The following SERPINI1 variants were observed in gnomAD, a reference collection of about 807,000 sequenced individuals.
The protein encoded by SERPINI1 is serpin family I member 1, also known as neuroserpin.
Under a neutral mutation model 41.1 loss-of-function variants are expected in SERPINI1, and 19 were observed. The observed-to-expected ratio is 0.46, with a 90% CI of 0.32 to 0.68. SERPINI1 has a LOEUF of 0.68. SERPINI1 is among the 30% of genes least tolerant of loss of function. SERPINI1 has a pLI of 0.03. For missense variants in SERPINI1, 460 were observed against 479.2 expected (o/e 0.96, Z 0.37); for synonymous variants, 138 against 156.6 (o/e 0.88, Z 0.89).
At chr3:167,747,047 A>G (rs1237324955) in intron 1 of SERPINI1, among the ~76,000 whole-genome samples, 3 of 152,252 alleles carry the variant, frequency 2.0e-5, no homozygotes, top group African/African-American at 4.8e-5. Flanking sequence ...ATGAATGGAT[A>G]AACACAATGT....
At chr3:167,773,742 T>G (rs1726870041) in intron 1 of SERPINI1, among the ~76,000 whole-genome samples, 1 of 152,208 alleles carries the variant, frequency 6.6e-6, no homozygotes, top group South Asian at 2.1e-4. Context: ...TATTTTCAGA[T>G]AGCTTTAGCA....
At chr3:167,742,466 T>A (rs1725710326) in intron 1 of SERPINI1, among the ~76,000 whole-genome samples, 1 of 152,228 alleles carries the variant, frequency 6.6e-6, no homozygotes, top group East Asian at 1.9e-4. Flanking sequence ...GTGCTTGCTG[T>A]AAGACAGATG....
chr3:167,807,458 A>G (rs567795475), intron 6 of SERPINI1, 117 bp downstream of exon 6: 7 of 675,364 alleles, frequency 1.0e-5, no homozygotes, highest in Middle Eastern at 8.3e-4. Flanking sequence ...ACCACTTGCC[A>G]AATAAATCTA....
chr3:167,750,460 C>G (rs2108534355), intron 1 of SERPINI1, among the ~76,000 whole-genome samples: 1 of 152,316 alleles, frequency 6.6e-6, no homozygotes, highest in East Asian at 1.9e-4. Context: ...GGTTTGCCAT[C>G]ACGTGTTCGT....
intron 6 of SERPINI1, among the ~76,000 whole-genome samples, chr3:167,820,088 G>A (rs1477617406): frequency 1.3e-5 from 2 of 152,172 alleles, no homozygotes; most frequent in Non-Finnish European, 2.9e-5. Context: ...AGCTCTAGAG[G>A]CTGTAAGTCT....
intron 1 of SERPINI1, among the ~76,000 whole-genome samples, chr3:167,754,937 G>T (rs1412432079): frequency 1.3e-5 from 2 of 152,072 alleles, no homozygotes; most frequent in African/African-American, 2.4e-5. Context: ...CACCTAGTTG[G>T]CCTCCTCTTC....
At chr3:167,742,680 G>T (rs1725717410) in intron 1 of SERPINI1, among the ~76,000 whole-genome samples, 2 of 152,168 alleles carry the variant, frequency 1.3e-5, no homozygotes. Context: ...TTTGGCTTCT[G>T]TGGTAGATGG....
At chr3:167,809,387 T>A (rs900302122) in intron 6 of SERPINI1, among the ~76,000 whole-genome samples, 3 of 152,222 alleles carry the variant, frequency 2.0e-5, no homozygotes, top group African/African-American at 7.2e-5. Flanking sequence ...CACCCAAACA[T>A]CTAGGAAGTT....
At chr3:167,795,704 C>G (rs1010531453) in intron 5 of SERPINI1, among the ~76,000 whole-genome samples, 11 of 152,050 alleles carry the variant, frequency 7.2e-5, no homozygotes, top group African/African-American at 2.7e-4. Context: ...ATAACATTAT[C>G]TTTTTGTAGG....
intron 1 of SERPINI1, among the ~76,000 whole-genome samples, chr3:167,775,508 A>G (rs1447556281): frequency 2.6e-5 from 4 of 151,750 alleles, no homozygotes; most frequent in Admixed American, 2.6e-4. Context: ...TCAGGCTACA[A>G]CTCTGTTTAT....
At chr3:167,766,713 G>A (rs1202661420) in intron 1 of SERPINI1, among the ~76,000 whole-genome samples, 1 of 152,208 alleles carries the variant, frequency 6.6e-6, no homozygotes, top group Non-Finnish European at 1.5e-5. Context: ...TTGCTGATAT[G>A]GAGAAAGTTT....
intron 1 of SERPINI1, among the ~76,000 whole-genome samples, chr3:167,766,224 T>TAAAA (rs34346585): frequency 0.01 from 1,295 of 126,094 alleles, 29 homozygotes; most frequent in African/African-American, 0.036. Flanking sequence ...GCAATTTACC[T>TAAAA]AAAAAAAAAA....
chr3:167,750,831 A>G (rs1163704714), intron 1 of SERPINI1, among the ~76,000 whole-genome samples: 1 of 152,134 alleles, frequency 6.6e-6, no homozygotes, highest in Admixed American at 6.5e-5. Flanking sequence ...AGTAACCAGA[A>G]TACTTTGTGT....
At chr3:167,793,590 A>ATTT (rs1377107351) in intron 4 of SERPINI1, among the ~76,000 whole-genome samples, 6 of 103,358 alleles carry the variant, frequency 5.8e-5, no homozygotes, top group African/African-American at 2.4e-4. Flanking sequence ...ATATATATAT[A>ATTT]TATATATTTT....
chr3:167,743,909 G>A (rs764721229), intron 1 of SERPINI1, among the ~76,000 whole-genome samples: 1 of 152,048 alleles, frequency 6.6e-6, no homozygotes, highest in Non-Finnish European at 1.5e-5. Flanking sequence ...GGGATGGCAA[G>A]CTAGGGCCTA....
At chr3:167,742,725 A>G (rs1394623152) in intron 1 of SERPINI1, among the ~76,000 whole-genome samples, 1 of 152,108 alleles carries the variant, frequency 6.6e-6, no homozygotes, top group Admixed American at 6.6e-5. Flanking sequence ...TGACTTTTGG[A>G]TAACTGTCAG....
At chr3:167,763,750 G>A (rs1014654847) in intron 1 of SERPINI1, among the ~76,000 whole-genome samples, 1 of 152,136 alleles carries the variant, frequency 6.6e-6, no homozygotes, top group Non-Finnish European at 1.5e-5. Flanking sequence ...AGAGTTTGGT[G>A]ATGTAACCCC....
In SERPINI1 at chr3:167,775,145, A is replaced by T. The variant is rs139007953; in HGVS notation, c.-18-13966A>T. On this transcript the variant is annotated intron_variant, in intron 1 of 8. Coordinates refer to ENST00000446050, the MANE Select transcript of SERPINI1 (RefSeq NM_001122752.2). Reference sequence around the variant, plus strand: ...TTTGAATGCTCTAAAAGTCTGTGTGAATTTTAAGTGTGTGTTCTAGTAACT... The same window carrying T: ...TTTGAATGCTCTAAAAGTCTGTGTGTATTTTAAGTGTGTGTTCTAGTAACT... 6.7e-3 allele frequency among the ~76,000 whole-genome samples: 860 copies of T among 128,148 alleles called. 5 individuals are homozygous for T. The highest frequency in any genetic ancestry group is 9.8e-3 in the Non-Finnish European group (597 of 61,154). The allele number at this position is 128,148 out of a possible 152,430, so 84.1% of individuals were successfully genotyped here. A position where few individuals can be genotyped will look rare whatever the true frequency, so the allele number is the denominator to read the frequency against.
intron 6 of SERPINI1, among the ~76,000 whole-genome samples, chr3:167,808,100 A>G (rs184787668): frequency 2.0e-5 from 3 of 151,874 alleles, no homozygotes; most frequent in Admixed American, 2.0e-4. Flanking sequence ...CCTGGGCAAC[A>G]ACAGCGAAAC....
Sources: allele counts gnomAD v4.1 joint callset (sites outside exome capture counted in the v4.1 genomes callset), GRCh38; gene constraint gnomAD v4.1.1; transcripts MANE v1.5; gene names NCBI Gene and HGNC (gene_info 2026-07-23, HGNC 2026-07-21).